Variants in SOX6 observed in about 807,000 individuals in gnomAD.
SOX6 encodes the protein SRY-box transcription factor 6.
In SOX6, 11 loss-of-function variants were observed where a neutral mutation model predicts 97.8. That is an observed-to-expected ratio of 0.11 (90% CI 0.07 to 0.19). The LOEUF is 0.19. Among genes scored for constraint, SOX6 ranks in the 10% least tolerant of loss-of-function variants. The pLI is 1.00. For missense variants in SOX6, 810 were observed against 1,039.5 expected (o/e 0.78, Z 3.04); for synonymous variants, 360 against 371.4 (o/e 0.97, Z 0.35).
intron 1 of SOX6, among the ~76,000 whole-genome samples, chr11:16,399,594 T>C (rs901913032): frequency 1.3e-5 from 2 of 151,444 alleles, no homozygotes; most frequent in African/African-American, 4.8e-5. Flanking sequence ...TGACCAATAT[T>C]AGTTGGGGGA....
At chr11:16,042,244 C>T (rs1440343012) in intron 12 of SOX6, among the ~76,000 whole-genome samples, 1 of 152,140 alleles carries the variant, frequency 6.6e-6, no homozygotes, top group African/African-American at 2.4e-5. Flanking sequence ...TGTAGTCTGT[C>T]TTTCTATGAC....
chr11:16,186,738 C>T (rs1277903202), intron 5 of SOX6, 45 bp downstream of exon 5: 1 of 1,603,674 alleles, frequency 6.2e-7, no homozygotes, highest in Non-Finnish European at 8.5e-7. Flanking sequence ...CTGAGCCTGG[C>T]ACATTCCACA....
intron 4 of SOX6, among the ~76,000 whole-genome samples, chr11:16,597,098 A>G (rs1848220272): frequency 6.6e-6 from 1 of 152,178 alleles, no homozygotes; most frequent in Non-Finnish European, 1.5e-5. Flanking sequence ...TCAAGTAGAA[A>G]GTTAGTATGG....
At chr11:16,013,641 C>T (rs1159793807) in intron 13 of SOX6, among the ~76,000 whole-genome samples, 1 of 150,058 alleles carries the variant, frequency 6.7e-6, no homozygotes, top group Non-Finnish European at 1.5e-5. Flanking sequence ...TCCCCTCCCT[C>T]CCTCCCTCTT....
intron 6 of SOX6, among the ~76,000 whole-genome samples, chr11:16,141,041 T>C (rs1850122540): frequency 6.6e-6 from 1 of 151,350 alleles, no homozygotes; most frequent in African/African-American, 2.4e-5. Context: ...TTGAACCTGG[T>C]GGGCAGGAGT....
chr11:16,512,156 G>A (rs964887216), intron 4 of SOX6, among the ~76,000 whole-genome samples: 1 of 152,060 alleles, frequency 6.6e-6, no homozygotes, highest in African/African-American at 2.4e-5. Context: ...GTGGTGTCAA[G>A]GTAGACAAGA....
chr11:16,164,854 A>C (rs543144232), intron 6 of SOX6, among the ~76,000 whole-genome samples: 9 of 152,080 alleles, frequency 5.9e-5, no homozygotes, highest in African/African-American at 2.2e-4. Context: ...GAAAGAAAAA[A>C]GAAAGTCCAC....
intron 4 of SOX6, among the ~76,000 whole-genome samples, chr11:16,519,501 T>C (rs988538788): frequency 1.3e-5 from 2 of 152,132 alleles, no homozygotes; most frequent in African/African-American, 2.4e-5. Flanking sequence ...TCTAGTTCCA[T>C]CGATGTTGCT....
intron 1 of SOX6, among the ~76,000 whole-genome samples, chr11:16,419,143 T>C (rs1379360650): frequency 6.6e-6 from 1 of 152,158 alleles, no homozygotes; most frequent in Non-Finnish European, 1.5e-5. Context: ...TGGCAACATT[T>C]TTTTCATGCC....
intron 3 of SOX6, among the ~76,000 whole-genome samples, chr11:16,249,863 C>T (rs994253707): frequency 1.1e-4 from 16 of 152,080 alleles, no homozygotes; most frequent in Non-Finnish European, 1.9e-4. Context: ...GTTTATATTA[C>T]GAGGTTAATT....
chr11:16,519,741 T>A (rs529097070), intron 4 of SOX6, among the ~76,000 whole-genome samples: 13 of 152,204 alleles, frequency 8.5e-5, no homozygotes, highest in Non-Finnish European at 1.8e-4. Flanking sequence ...CTGGGTCAGA[T>A]AACGGTAGTT....
At chr11:16,674,880 G>A (rs1362975693) in intron 3 of SOX6, among the ~76,000 whole-genome samples, 1 of 152,160 alleles carries the variant, frequency 6.6e-6, no homozygotes, top group Admixed American at 6.5e-5. Flanking sequence ...GAACCTAGGA[G>A]GCAGAGGAAG....
At chr11:16,139,082 G>A (rs984127585) in intron 6 of SOX6, among the ~76,000 whole-genome samples, 3 of 152,156 alleles carry the variant, frequency 2.0e-5, no homozygotes, top group Non-Finnish European at 2.9e-5. Flanking sequence ...CACCAGAAGC[G>A]ATGCTGTGCT....
At chr11:16,332,587 A>G (rs1856338607) in intron 2 of SOX6, among the ~76,000 whole-genome samples, 1 of 152,186 alleles carries the variant, frequency 6.6e-6, no homozygotes, top group South Asian at 2.1e-4. Flanking sequence ...CAGGGTGCTA[A>G]TGAAATATAA....
intron 13 of SOX6, among the ~76,000 whole-genome samples, chr11:16,012,666 G>A (rs75550114): frequency 0.011 from 1,690 of 152,064 alleles, 35 homozygotes; most frequent in African/African-American, 0.039. Flanking sequence ...GGGACCACGT[G>A]TTTCTGCATA....
chr11:16,564,193 T>C (rs1370368348), intron 4 of SOX6, among the ~76,000 whole-genome samples: 1 of 152,178 alleles, frequency 6.6e-6, no homozygotes, highest in African/African-American at 2.4e-5. Flanking sequence ...CAAAATATAA[T>C]AGTGTGAATA....
intron 13 of SOX6, among the ~76,000 whole-genome samples, chr11:16,012,179 C>A (rs1022474109): frequency 3.3e-5 from 5 of 151,950 alleles, no homozygotes; most frequent in Non-Finnish European, 5.9e-5. Flanking sequence ...TCTTCTTAAT[C>A]TTACTGTTAA....
chr11:16,169,856 C>A (rs577491086), intron 6 of SOX6, among the ~76,000 whole-genome samples: 1 of 151,180 alleles, frequency 6.6e-6, no homozygotes, highest in East Asian at 1.9e-4. Context: ...TTTCAATGAA[C>A]AGAGATCAGC....
chr11:16,426,666 G>C (rs962234875), intron 1 of SOX6, among the ~76,000 whole-genome samples: 3 of 151,942 alleles, frequency 2.0e-5, no homozygotes, highest in Non-Finnish European at 2.9e-5. Context: ...TGTAATCCCA[G>C]CATTTTGGGA....
Sources: allele counts gnomAD v4.1 joint callset (sites outside exome capture counted in the v4.1 genomes callset), GRCh38; gene constraint gnomAD v4.1.1; transcripts MANE v1.5; gene names NCBI Gene and HGNC (gene_info 2026-07-23, HGNC 2026-07-21).